GPHN: variants seen among roughly 807,000 people sequenced by gnomAD.
GPHN encodes gephyrin.
A neutral mutation model predicts 95.5 loss-of-function variants in GPHN; 17 were observed. The ratio of observed to expected loss-of-function variants is 0.18; its 90% CI spans 0.12 to 0.27. The LOEUF (loss-of-function observed/expected upper bound fraction) is 0.27, where lower values mean the gene tolerates loss of function less well. GPHN is among the 10% of genes least tolerant of loss of function. The pLI is 1.00. For missense variants in GPHN, 660 were observed against 978.1 expected (o/e 0.67, Z 4.34); for synonymous variants, 320 against 322.5 (o/e 0.99, Z 0.08).
chr14:67,124,207 A>AGGAGTTGG (rs1250472668), intron 17 of GPHN, among the ~76,000 whole-genome samples: 187 of 152,188 alleles, frequency 1.2e-3, no homozygotes, highest in Non-Finnish European at 2.2e-3. Context: ...GGAGTTTGAG[A>AGGAGTTGG]CCAGCCTGGC....
chr14:67,103,769 G>C (rs1393213736), intron 13 of GPHN, among the ~76,000 whole-genome samples: 1 of 151,780 alleles, frequency 6.6e-6, no homozygotes, highest in Non-Finnish European at 1.5e-5. Context: ...AGAGTTTTTG[G>C]TGGAGCTTTT....
chr14:66,740,400 A>G (rs1453855800), intron 2 of GPHN, among the ~76,000 whole-genome samples: 1 of 152,100 alleles, frequency 6.6e-6, no homozygotes, highest in Non-Finnish European at 1.5e-5. Flanking sequence ...AAGATATGTT[A>G]TTTATTTAAC....
the GPHN span, among the ~76,000 whole-genome samples, chr14:67,226,224 C>T: frequency 1.3e-5 from 2 of 152,178 alleles, no homozygotes; most frequent in Non-Finnish European, 1.5e-5. Context: ...CTGAATCTTG[C>T]TCTGTCGCCC....
chr14:67,486,136 C>T, the GPHN span, among the ~76,000 whole-genome samples: 10 of 152,352 alleles, frequency 6.6e-5, no homozygotes, highest in South Asian at 2.1e-3. Context: ...TATGGTTTGG[C>T]TGTGTCCTCA....
the GPHN span, among the ~76,000 whole-genome samples, chr14:67,630,623 A>G: frequency 6.6e-6 from 1 of 152,214 alleles, no homozygotes; most frequent in Non-Finnish European, 1.5e-5. Flanking sequence ...TCTGTCGCCC[A>G]GGCTGGAGTG....
At chr14:66,819,009 C>G (rs1671162426) in intron 3 of GPHN, among the ~76,000 whole-genome samples, 1 of 152,104 alleles carries the variant, frequency 6.6e-6, no homozygotes, top group Non-Finnish European at 1.5e-5. Context: ...GCATAGTTTG[C>G]AAAAGAATTG....
intron 5 of GPHN, among the ~76,000 whole-genome samples, chr14:66,888,715 G>A (rs1387796020): frequency 6.6e-6 from 1 of 152,006 alleles, no homozygotes; most frequent in African/African-American, 2.4e-5. Context: ...TTAACAAAAT[G>A]GTAGAATTCC....
intron 11 of GPHN, among the ~76,000 whole-genome samples, chr14:67,062,123 AAATTG>A (rs1204510195): frequency 6.6e-6 from 1 of 152,228 alleles, no homozygotes; most frequent in African/African-American, 2.4e-5. Flanking sequence ...GAATCACTGT[AAATTG>A]AATTGTCATA....
At chr14:66,583,600 A>G (rs1261530753) in intron 1 of GPHN, among the ~76,000 whole-genome samples, 2 of 152,118 alleles carry the variant, frequency 1.3e-5, no homozygotes, top group Admixed American at 6.5e-5. Context: ...AGCTTTCTCC[A>G]TATGGCTAGC....
intron 13 of GPHN, 118 bp from the exon 14 acceptor site, chr14:67,110,022 G>C: frequency 1.1e-6 from 1 of 872,216 alleles, no homozygotes; most frequent in Non-Finnish European, 1.8e-6. Context: ...AAATGAATAA[G>C]ACTGTAAGAC....
chr14:67,076,914 G>C (rs564679207), intron 11 of GPHN, among the ~76,000 whole-genome samples: 42 of 152,058 alleles, frequency 2.8e-4, no homozygotes, highest in Non-Finnish European at 5.1e-4. Context: ...CAATTTCCTG[G>C]ACCACTGAAC....
At chr14:67,247,175 G>A in the GPHN span, among the ~76,000 whole-genome samples, 989 of 152,234 alleles carry the variant, frequency 6.5e-3, 6 homozygotes, top group Non-Finnish European at 8.0e-3. Context: ...TCTCATCTAT[G>A]AACATGCTAT....
the GPHN span, among the ~76,000 whole-genome samples, chr14:67,654,390 AC>A: frequency 6.6e-6 from 1 of 151,868 alleles, no homozygotes; most frequent in Non-Finnish European, 1.5e-5. Flanking sequence ...CCATCCTCCC[AC>A]CTCAGCCTCC....
At chr14:67,204,454 C>A in the GPHN span, 3 of 1,399,602 alleles carry the variant, frequency 2.1e-6, no homozygotes, top group Middle Eastern at 2.7e-4. Context: ...AACAAACAAA[C>A]AAATATATAT....
At position 66,941,036 on chromosome 14, in the gene GPHN, G is replaced by C. The variant is rs143337332; in HGVS notation, c.828+16744G>C. ...GCATCCTATTTATTGCCATCACCTG[G>C]CAGGATTTGCAGGTTAATTGCTCAG... is the stretch of plus-strand genomic sequence containing the variant. On this transcript the variant is annotated intron_variant, in intron 8 of 22. Coordinates refer to ENST00000478722, the MANE Select transcript of GPHN (RefSeq NM_020806.5). 1.1e-4 allele frequency among the ~76,000 whole-genome samples: 16 copies of C among 152,172 alleles called. No homozygotes were observed. In the East Asian group the frequency reaches 3.1e-3, roughly 30 times the overall value.
chr14:67,352,932 C>A, the GPHN span: 2 of 1,604,600 alleles, frequency 1.2e-6, no homozygotes, highest in African/African-American at 2.7e-5. Context: ...CCTCTATTAT[C>A]TTCTTTAGGA....
the GPHN span, among the ~76,000 whole-genome samples, chr14:67,357,978 G>A: frequency 2.6e-5 from 4 of 152,290 alleles, no homozygotes; most frequent in African/African-American, 9.6e-5. Context: ...ACAATTGTAA[G>A]CCTGTTTCGT....
At chr14:66,854,268 A>G (rs934298210) in intron 4 of GPHN, among the ~76,000 whole-genome samples, 3 of 152,206 alleles carry the variant, frequency 2.0e-5, no homozygotes, top group South Asian at 2.1e-4. Flanking sequence ...CATGAGTCCA[A>G]TAACTCAAAC....
chr14:67,331,027 A>T, the GPHN span, among the ~76,000 whole-genome samples: 1 of 151,468 alleles, frequency 6.6e-6, no homozygotes, highest in South Asian at 2.1e-4. Flanking sequence ...ATTCTACTTA[A>T]GTTTTTTTCT....
Sources: allele counts gnomAD v4.1 joint callset (sites outside exome capture counted in the v4.1 genomes callset), GRCh38; gene constraint gnomAD v4.1.1; transcripts MANE v1.5; gene names NCBI Gene and HGNC (gene_info 2026-07-23, HGNC 2026-07-21).